The following LSAMP variants were observed in gnomAD, a reference collection of about 807,000 sequenced individuals.
LSAMP encodes limbic system associated membrane protein.
LSAMP carries 7 observed loss-of-function variants against 38.6 expected under a neutral mutation model. The ratio of observed to expected loss-of-function variants is 0.18; its 90% confidence interval spans 0.10 to 0.34. The LOEUF (loss-of-function observed/expected upper bound fraction) is 0.34. Among genes scored for constraint, LSAMP ranks in the 10% least tolerant of loss-of-function variants. The pLI is 1.00. For missense variants in LSAMP, 313 were observed against 420.0 expected (o/e 0.75, Z 2.23); for synonymous variants, 154 against 166.8 (o/e 0.92, Z 0.59).
At chr3:116,297,773 A>AAAT (rs1373063624) in intron 1 of LSAMP, among the ~76,000 whole-genome samples, 3 of 152,226 alleles carry the variant, frequency 2.0e-5, no homozygotes, top group African/African-American at 4.8e-5. Flanking sequence ...AATAAAAATA[A>AAAT]AATAGGTGAA....
intron 1 of LSAMP, among the ~76,000 whole-genome samples, chr3:116,231,355 G>C (rs1391634553): frequency 6.6e-6 from 1 of 152,166 alleles, no homozygotes; most frequent in Non-Finnish European, 1.5e-5. Flanking sequence ...GTGAGAGCCA[G>C]GTTCTTCATC....
intron 1 of LSAMP, among the ~76,000 whole-genome samples, chr3:116,170,060 C>T (rs1400404523): frequency 4.6e-5 from 7 of 152,130 alleles, no homozygotes; most frequent in Non-Finnish European, 1.0e-4. Flanking sequence ...ATATATTGTG[C>T]TTGTCTGTGT....
intron 3 of LSAMP, among the ~76,000 whole-genome samples, chr3:115,860,126 AGAGT>A (rs1383945518): frequency 6.6e-6 from 1 of 152,264 alleles, no homozygotes; most frequent in Admixed American, 6.5e-5. Flanking sequence ...GAAATATTGT[AGAGT>A]GAGTGTTGTA....
chr3:115,993,739 AT>A (rs1201761692), intron 3 of LSAMP, among the ~76,000 whole-genome samples: 1 of 152,102 alleles, frequency 6.6e-6, no homozygotes, highest in Non-Finnish European at 1.5e-5. Flanking sequence ...TGGTATCTGT[AT>A]AAAATATACA....
chr3:115,846,455 ATAT>A (rs1392236888), intron 4 of LSAMP, among the ~76,000 whole-genome samples: 7 of 152,240 alleles, frequency 4.6e-5, no homozygotes, highest in Non-Finnish European at 1.0e-4. Flanking sequence ...TAAAAGAATA[ATAT>A]TCTGAATAGA....
chr3:116,427,703 A>G (rs2049222487), intron 1 of LSAMP, among the ~76,000 whole-genome samples: 1 of 152,158 alleles, frequency 6.6e-6, no homozygotes, highest in Non-Finnish European at 1.5e-5. Flanking sequence ...CCGTGCAAGT[A>G]AGGAGCTCCA....
At chr3:116,345,135 T>C (rs1268681595) in intron 1 of LSAMP, among the ~76,000 whole-genome samples, 3 of 152,054 alleles carry the variant, frequency 2.0e-5, no homozygotes, top group Non-Finnish European at 4.4e-5. Flanking sequence ...ACTATTTGTC[T>C]GCTTTGCTTG....
intron 1 of LSAMP, among the ~76,000 whole-genome samples, chr3:116,178,101 G>GTA (rs1710395463): frequency 1.4e-5 from 1 of 72,202 alleles, no homozygotes; most frequent in Non-Finnish European, 2.7e-5. Context: ...GTGTACGTGT[G>GTA]TGTGTGTGTG....
At chr3:116,122,297 C>T (rs1708893473) in intron 1 of LSAMP, among the ~76,000 whole-genome samples, 1 of 152,136 alleles carries the variant, frequency 6.6e-6, no homozygotes, top group Non-Finnish European at 1.5e-5. Context: ...GAAACACACA[C>T]ACAAAGGATA....
chr3:115,989,091 T>C (rs1939595223), intron 3 of LSAMP, among the ~76,000 whole-genome samples: 1 of 152,138 alleles, frequency 6.6e-6, no homozygotes, highest in Non-Finnish European at 1.5e-5. Flanking sequence ...GATGAGAGTA[T>C]AGTTCAAGTT....
intron 1 of LSAMP, among the ~76,000 whole-genome samples, chr3:116,163,340 C>T (rs1709947497): frequency 6.7e-6 from 1 of 150,132 alleles, no homozygotes; most frequent in Non-Finnish European, 1.5e-5. Context: ...GTTTTTTGTT[C>T]TTGTGATAGT....
chr3:116,218,385 G>GT (rs1346397020), intron 1 of LSAMP, among the ~76,000 whole-genome samples: 1 of 152,078 alleles, frequency 6.6e-6, no homozygotes, highest in Non-Finnish European at 1.5e-5. Flanking sequence ...GCAACACTGG[G>GT]TTTTTTTCCT....
chr3:115,895,909 A>C (rs1395830083), intron 3 of LSAMP, among the ~76,000 whole-genome samples: 1 of 147,530 alleles, frequency 6.8e-6, no homozygotes, highest in Non-Finnish European at 1.5e-5. Context: ...TTGCCATTTC[A>C]AAAAGAAAAC....
chr3:116,047,385 AAAAAAC>A (rs1241294103), intron 2 of LSAMP, among the ~76,000 whole-genome samples: 1 of 151,752 alleles, frequency 6.6e-6, no homozygotes, highest in South Asian at 2.1e-4. Flanking sequence ...AAAAAAAAAA[AAAAAAC>A]AAAACAAACA....
intron 1 of LSAMP, among the ~76,000 whole-genome samples, chr3:116,132,854 C>T (rs1576383753): frequency 2.0e-5 from 3 of 152,096 alleles, no homozygotes; most frequent in Non-Finnish European, 4.4e-5. Context: ...CTTGAATTAC[C>T]CTGTGATGTT....
At chr3:116,190,301 C>A (rs1435299493) in intron 1 of LSAMP, among the ~76,000 whole-genome samples, 1 of 152,092 alleles carries the variant, frequency 6.6e-6, no homozygotes. Flanking sequence ...ACCTTCCTTT[C>A]CCCCCTTTTT....
intron 1 of LSAMP, among the ~76,000 whole-genome samples, chr3:116,135,957 G>C (rs1709238479): frequency 6.6e-6 from 1 of 152,066 alleles, no homozygotes; most frequent in South Asian, 2.1e-4. Flanking sequence ...ATGTCCTAGA[G>C]AGTCAATACC....
At chr3:116,297,189 G>A (rs1433882894) in intron 1 of LSAMP, among the ~76,000 whole-genome samples, 1 of 152,172 alleles carries the variant, frequency 6.6e-6, no homozygotes, top group African/African-American at 2.4e-5. Context: ...AGGTGAAAGA[G>A]AGATTGGCTA....
Position 115,883,435 on chromosome 3 carries a change from G to A in LSAMP, c.515-30818C>T, listed in dbSNP as rs552877882. 2.0e-5 allele frequency among the ~76,000 whole-genome samples: 3 copies of A among 152,214 alleles called. No homozygotes were observed. The South Asian group carries it at 6.2e-4, about 32-fold the overall frequency. The stretch of plus-strand genomic sequence containing the variant: ...AGTGCCAACCTGCACTTGGCCAGTG[G>A]TGGTCCTCAGGGAGGTTGAAACAGT... On this transcript the variant is annotated intron_variant, in intron 3 of 6. Transcript: ENST00000490035.
Sources: allele counts gnomAD v4.1 joint callset (sites outside exome capture counted in the v4.1 genomes callset), GRCh38; gene constraint gnomAD v4.1.1; transcripts MANE v1.5; gene names NCBI Gene and HGNC (gene_info 2026-07-23, HGNC 2026-07-21).